RBFOX1: variants seen among roughly 807,000 people sequenced by gnomAD.
RBFOX1 encodes RNA binding fox-1 homolog 1.
In RBFOX1, 8 loss-of-function variants were observed where a neutral mutation model predicts 57.7. That is an observed-to-expected ratio of 0.14 (90% CI 0.08 to 0.25). RBFOX1 has a LOEUF of 0.25. Among genes scored for constraint, RBFOX1 ranks in the 10% least tolerant of loss-of-function variants. The pLI, the probability that RBFOX1 is intolerant of heterozygous loss-of-function variation, is 1.00. For missense variants in RBFOX1, 611 were observed against 548.5 expected, an observed-to-expected ratio of 1.11 and a Z score of -1.14; for synonymous variants, 326 against 222.4, an observed-to-expected ratio of 1.47 and a Z score of -4.15.
chr16:6,849,585 C>G (rs939623415), intron 3 of RBFOX1, among the ~76,000 whole-genome samples: 1 of 152,170 alleles, frequency 6.6e-6, no homozygotes, highest in Non-Finnish European at 1.5e-5. Context: ...AGGAGAATTG[C>G]TTGAATGCAG....
At chr16:7,056,279 C>G (rs140044297) in intron 4 of RBFOX1, among the ~76,000 whole-genome samples, 84 of 152,298 alleles carry the variant, frequency 5.5e-4, no homozygotes, top group African/African-American at 2.0e-3. Context: ...GTTACGCACA[C>G]TACACAACAG....
intron 3 of RBFOX1, among the ~76,000 whole-genome samples, chr16:6,733,230 C>T (rs1185713577): frequency 6.6e-6 from 1 of 152,088 alleles, no homozygotes; most frequent in African/African-American, 2.4e-5. Context: ...GTGCCAGAGC[C>T]CTGGCAAACT....
At chr16:6,581,096 T>C (rs993427811) in intron 2 of RBFOX1, among the ~76,000 whole-genome samples, 12 of 152,190 alleles carry the variant, frequency 7.9e-5, no homozygotes, top group African/African-American at 2.9e-4. Context: ...GCTGTGCCTT[T>C]TGAGTTATCC....
chr16:7,261,885 T>G (rs2094932799), intron 4 of RBFOX1, among the ~76,000 whole-genome samples: 1 of 152,150 alleles, frequency 6.6e-6, no homozygotes, highest in African/African-American at 2.4e-5. Context: ...CCTTTGGGCA[T>G]CAATAGTGTG....
intron 4 of RBFOX1, among the ~76,000 whole-genome samples, chr16:7,135,549 C>A (rs1009778210): frequency 6.6e-6 from 1 of 152,174 alleles, no homozygotes; most frequent in Non-Finnish European, 1.5e-5. Flanking sequence ...ATTAAGGTAA[C>A]AACTTGTGAA....
intron 4 of RBFOX1, among the ~76,000 whole-genome samples, chr16:7,420,902 C>CATATATATACATATATATATATACACAT (rs1568793948): frequency 2.1e-5 from 3 of 142,136 alleles, no homozygotes; most frequent in African/African-American, 5.3e-5. Context: ...TATATACACA[C>CATATATATACATATATATATATACACAT]ATATATATAC....
At chr16:6,979,337 A>T (rs112174091) in intron 3 of RBFOX1, among the ~76,000 whole-genome samples, 1 of 152,168 alleles carries the variant, frequency 6.6e-6, no homozygotes, top group Admixed American at 6.6e-5. Flanking sequence ...GAGGGTAGCT[A>T]TTAGCTATCA....
intron 1 of RBFOX1, among the ~76,000 whole-genome samples, chr16:6,246,290 G>T (rs1392065911): frequency 6.6e-6 from 1 of 152,144 alleles, no homozygotes; most frequent in East Asian, 1.9e-4. Flanking sequence ...CTTGTTTCCA[G>T]CTCTTAGTGG....
chr16:5,602,443 A>G (rs1054269671), downstream of RBFOX1, among the ~76,000 whole-genome samples: 2 of 152,224 alleles, frequency 1.3e-5, no homozygotes, highest in Admixed American at 6.5e-5. Context: ...TCAATTGTGT[A>G]TATCCATAAA....
chr16:7,038,072 C>A (rs12709168), intron 3 of RBFOX1, among the ~76,000 whole-genome samples: 2 of 151,972 alleles, frequency 1.3e-5, no homozygotes, highest in African/African-American at 4.8e-5. Flanking sequence ...GTATGTAAAT[C>A]CCCCACTTGC....
At chr16:6,871,277 C>T (rs1447614789) in intron 3 of RBFOX1, among the ~76,000 whole-genome samples, 2 of 152,166 alleles carry the variant, frequency 1.3e-5, no homozygotes, top group Admixed American at 6.5e-5. Flanking sequence ...CCTCCCCCTC[C>T]TGGGTTAAAG....
At chr16:5,942,989 C>A (rs896035502) in intron 4 of RBFOX1, among the ~76,000 whole-genome samples, 1 of 152,176 alleles carries the variant, frequency 6.6e-6, no homozygotes, top group Non-Finnish European at 1.5e-5. Flanking sequence ...GGCTGCCAAG[C>A]ACCCCCCAAG....
intron 4 of RBFOX1, among the ~76,000 whole-genome samples, chr16:7,389,337 G>GC (rs1200237044): frequency 1.3e-5 from 2 of 152,088 alleles, no homozygotes; most frequent in Admixed American, 6.6e-5. Flanking sequence ...TGTAGCCCAG[G>GC]CTGGTCTTAA....
intron 3 of RBFOX1, among the ~76,000 whole-genome samples, chr16:5,648,392 G>C (rs185039732): frequency 6.6e-6 from 1 of 152,144 alleles, no homozygotes; most frequent in Non-Finnish European, 1.5e-5. Flanking sequence ...GCGCAGGTGT[G>C]GTGCACTCTG....
At chr16:6,783,200 C>A (rs1489805771) in intron 3 of RBFOX1, among the ~76,000 whole-genome samples, 1 of 151,578 alleles carries the variant, frequency 6.6e-6, no homozygotes, top group Non-Finnish European at 1.5e-5. Context: ...GCTAGTCTGC[C>A]TTTTATTTGG....
chr16:6,912,036 G>A (rs2071756055), intron 3 of RBFOX1, among the ~76,000 whole-genome samples: 1 of 152,150 alleles, frequency 6.6e-6, no homozygotes, highest in African/African-American at 2.4e-5. Context: ...CCTTTTTGTG[G>A]ACCATTTCTT....
intron 1 of RBFOX1, among the ~76,000 whole-genome samples, chr16:5,403,265 G>A (rs890424175): frequency 1.3e-5 from 2 of 150,410 alleles, no homozygotes; most frequent in African/African-American, 4.9e-5. Context: ...CAGGAGAATC[G>A]CTTGAGCCTG....
chr16:5,628,050 T>C (rs554219446), intron 3 of RBFOX1, among the ~76,000 whole-genome samples: 7 of 152,152 alleles, frequency 4.6e-5, no homozygotes, highest in Non-Finnish European at 8.8e-5. Flanking sequence ...ATTTTGAATA[T>C]TAAGTAAAGT....
chr16:6,877,665 A>C (rs1053290359), intron 3 of RBFOX1, among the ~76,000 whole-genome samples: 6 of 152,206 alleles, frequency 3.9e-5, no homozygotes, highest in Non-Finnish European at 1.5e-5. Context: ...CATACTGAGA[A>C]TCAGAGCAAG....
Sources: allele counts gnomAD v4.1 joint callset (sites outside exome capture counted in the v4.1 genomes callset), GRCh38; gene constraint gnomAD v4.1.1; transcripts MANE v1.5; gene names NCBI Gene and HGNC (gene_info 2026-07-23, HGNC 2026-07-21).